Variants in SMYD3 observed in about 807,000 individuals in gnomAD.
The protein encoded by SMYD3 is histone-lysine N-methyltransferase SMYD3.
SMYD3 carries 36 observed loss-of-function variants against 57.7 expected under a neutral mutation model. The ratio of observed to expected loss-of-function variants is 0.62; its 90% CI spans 0.48 to 0.82. SMYD3 has a LOEUF of 0.82. Ranked by LOEUF, SMYD3 falls within the 40% of genes least tolerant of loss-of-function variation. The pLI, the probability that SMYD3 is intolerant of heterozygous loss-of-function variation, is 0.00. For synonymous variants in SMYD3, 211 were observed against 195.0 expected (o/e 1.08, Z -0.68); for missense variants, 515 against 538.8 (o/e 0.96, Z 0.44).
chr1:246,411,842 G>A (rs1224013640), intron 1 of SMYD3, among the ~76,000 whole-genome samples: 1 of 122,660 alleles, frequency 8.2e-6, no homozygotes, highest in East Asian at 2.9e-4. Flanking sequence ...GGGGGAGGGG[G>A]GAGGGATAGC....
At chr1:246,035,465 C>T (rs1017664194) in intron 5 of SMYD3, 1 of 152,254 alleles carries the variant, frequency 6.6e-6, no homozygotes, top group African/African-American at 2.4e-5. Flanking sequence ...ACAAAATGAG[C>T]CTTTTGACTG....
intron 5 of SMYD3, among the ~76,000 whole-genome samples, chr1:246,144,111 G>A (rs538677046): frequency 2.6e-5 from 4 of 152,248 alleles, no homozygotes; most frequent in South Asian, 4.1e-4. Flanking sequence ...TCACCTGGAC[G>A]GACAGCCTCC....
At chr1:246,100,531 G>T (rs942652004) in intron 5 of SMYD3, among the ~76,000 whole-genome samples, 2 of 152,120 alleles carry the variant, frequency 1.3e-5, no homozygotes, top group Admixed American at 6.5e-5. Context: ...CCTCCTCCCT[G>T]ACTGCTTGCT....
At chr1:245,788,071 C>T (rs767360305) in intron 10 of SMYD3, among the ~76,000 whole-genome samples, 44 of 137,850 alleles carry the variant, frequency 3.2e-4, no homozygotes, top group Non-Finnish European at 5.5e-4. Context: ...CAGGGAACAG[C>T]GCAAGGAGAA....
intron 8 of SMYD3, among the ~76,000 whole-genome samples, chr1:245,875,191 G>A (rs1284121171): frequency 6.6e-6 from 1 of 152,214 alleles, no homozygotes; most frequent in African/African-American, 2.4e-5. Context: ...GCCATGTTTG[G>A]CACCCTGCCT....
intron 5 of SMYD3, among the ~76,000 whole-genome samples, chr1:246,251,425 T>C (rs114893220): frequency 0.086 from 10,604 of 122,880 alleles, 583 homozygotes; most frequent in East Asian, 0.19. Context: ...TCAGACACTG[T>C]GCCCGGCTTT....
At chr1:246,098,739 G>C (rs2060958394) in intron 5 of SMYD3, among the ~76,000 whole-genome samples, 1 of 152,088 alleles carries the variant, frequency 6.6e-6, no homozygotes, top group Non-Finnish European at 1.5e-5. Flanking sequence ...TATTTAGATT[G>C]TAAGTATTTT....
At chr1:245,846,460 T>C (rs1284559059) in intron 10 of SMYD3, among the ~76,000 whole-genome samples, 1 of 152,224 alleles carries the variant, frequency 6.6e-6, no homozygotes, top group Non-Finnish European at 1.5e-5. Flanking sequence ...GTTTATACTT[T>C]TCTAACAAAG....
chr1:246,392,336 G>A (rs1196851420), intron 1 of SMYD3, among the ~76,000 whole-genome samples: 2 of 152,068 alleles, frequency 1.3e-5, no homozygotes, highest in African/African-American at 2.4e-5. Context: ...AATTACTTTA[G>A]GCAATAATAA....
chr1:246,007,397 G>A (rs1231861655), intron 5 of SMYD3, among the ~76,000 whole-genome samples: 3 of 152,162 alleles, frequency 2.0e-5, no homozygotes, highest in Non-Finnish European at 4.4e-5. Context: ...TCTACTTGCA[G>A]AGACAACTCT....
rs532180142 is a variant in SMYD3 at position 246,213,968 on chromosome 1, C to T, written c.531+113233G>A. ...TGCAGAGCTAGCTTCCATAACCTGT[C>T]CTCTTTGGTGACTCTCTCGTAACAC... On this transcript the variant is annotated intron_variant, in intron 5 of 11. Coordinates refer to ENST00000490107, the MANE Select transcript of SMYD3 (RefSeq NM_001167740.2). 1.1e-4 allele frequency among the ~76,000 whole-genome samples: 16 copies of T among 152,288 alleles called. No homozygotes were observed. The East Asian group carries it at 2.7e-3, about 26-fold the overall frequency.
intron 5 of SMYD3, among the ~76,000 whole-genome samples, chr1:246,062,979 G>A (rs899630389): frequency 6.6e-6 from 1 of 152,116 alleles, no homozygotes; most frequent in South Asian, 2.1e-4. Context: ...TCCCAAACCT[G>A]CTACCACTTT....
At chr1:246,493,378 G>A (rs997970097) in intron 1 of SMYD3, among the ~76,000 whole-genome samples, 2 of 152,138 alleles carry the variant, frequency 1.3e-5, no homozygotes, top group African/African-American at 4.8e-5. Flanking sequence ...TTCTAAAACT[G>A]CAGAAAACTT....
At chr1:246,061,061 A>G (rs1363605783) in intron 5 of SMYD3, among the ~76,000 whole-genome samples, 3 of 151,976 alleles carry the variant, frequency 2.0e-5, no homozygotes, top group Non-Finnish European at 4.4e-5. Flanking sequence ...CCCCAGCTCT[A>G]CAAGTACAAA....
At chr1:246,068,964 A>G (rs2060396339) in intron 5 of SMYD3, among the ~76,000 whole-genome samples, 1 of 152,248 alleles carries the variant, frequency 6.6e-6, no homozygotes, top group South Asian at 2.1e-4. Flanking sequence ...GAAACCATCA[A>G]AAACCAACAT....
At chr1:246,251,694 G>T (rs375096251) in intron 5 of SMYD3, among the ~76,000 whole-genome samples, 1 of 4,926 alleles carries the variant, frequency 2.0e-4, no homozygotes, top group Non-Finnish European at 3.2e-4. Flanking sequence ...AGTAGGTGCC[G>T]CGGACACTGT....
At chr1:246,091,986 A>T (rs6656404) in intron 5 of SMYD3, among the ~76,000 whole-genome samples, 26,700 of 152,194 alleles carry the variant, frequency 0.18, 2,920 homozygotes, top group East Asian at 0.41. Flanking sequence ...AGAAATCTGG[A>T]TATGTCCTCT....
chr1:245,952,791 C>G (rs191876580), intron 5 of SMYD3, among the ~76,000 whole-genome samples: 93 of 152,282 alleles, frequency 6.1e-4, no homozygotes, highest in African/African-American at 2.1e-3. Context: ...GCTACGCACT[C>G]GAGCAGAACG....
At chr1:246,157,497 C>A (rs1047694149) in intron 5 of SMYD3, among the ~76,000 whole-genome samples, 5 of 152,100 alleles carry the variant, frequency 3.3e-5, no homozygotes, top group African/African-American at 1.2e-4. Flanking sequence ...ACAGACATTC[C>A]CTCCCAAGTT....
Sources: gnomAD v4.1 joint callset for allele counts (sites outside exome capture counted in the v4.1 genomes callset) on GRCh38, gnomAD v4.1.1 for gene constraint, MANE v1.5 for transcripts, NCBI Gene and HGNC (gene_info 2026-07-23, HGNC 2026-07-21) for gene names.